AP1AR: variants seen among roughly 807,000 people sequenced by gnomAD.
AP1AR encodes adaptor related protein complex 1 associated regulatory protein.
Under a neutral mutation model 46.3 loss-of-function variants are expected in AP1AR, and 29 were observed. The observed-to-expected ratio is 0.63, with a 90% CI of 0.47 to 0.85. The LOEUF is 0.85. AP1AR is among the 40% of genes least tolerant of loss of function. AP1AR has a pLI of 0.00. For synonymous variants in AP1AR, 122 were observed against 122.9 expected, an observed-to-expected ratio of 0.99 and a Z score of 0.05; for missense variants, 357 against 356.3, an observed-to-expected ratio of 1.00 and a Z score of -0.02.
intron 4 of AP1AR, among the ~76,000 whole-genome samples, chr4:112,260,227 G>C (rs961726539): frequency 6.6e-6 from 1 of 152,178 alleles, no homozygotes; most frequent in Non-Finnish European, 1.5e-5. Context: ...GTTCAGATCT[G>C]CCTTGGTGTC....
rs1422129364 is a variant in AP1AR, at chr4:112,266,666, G to A, written c.593G>A (p.Ser198Asn). The A allele has an allele frequency of 6.2e-7, 1 of 1,610,600 alleles. No homozygotes were observed. Among genetic ancestry groups the A allele is most frequent in the African/African-American group, 1.3e-5 (1 of 74,796 alleles). Residue 198 changes from serine (S) to asparagine (N), a missense_variant, in exon 9 of 10, where the codon AGT becomes AAT. By Grantham distance (46) the Ser-to-Asn change is conservative (BLOSUM62 1). Coordinates refer to ENST00000274000, the MANE Select transcript of AP1AR (RefSeq NM_018569.6). ...TTAATGACCAAAACTAAATCAACTA[G>A]TGGAAATGACGACAGCACATCCTTA... ...CDLMTKTKST[S>N]GNDDSTSLDL...
intron 6 of AP1AR, 108 bp from the exon 7 acceptor site, chr4:112,264,899 CTT>C: frequency 6.9e-6 from 5 of 721,322 alleles, no homozygotes; most frequent in African/African-American, 1.9e-5. Context: ...AACAAAATAA[CTT>C]TTTTTTTTAG....
chr4:112,235,277 A>G (rs1305056969), intron 1 of AP1AR, among the ~76,000 whole-genome samples: 1 of 152,216 alleles, frequency 6.6e-6, no homozygotes, highest in Non-Finnish European at 1.5e-5. Flanking sequence ...TCTCAGATAG[A>G]AGACCCAATT....
chr4:112,254,717 C>A, intron 2 of AP1AR, 30 bp from the exon 3 acceptor site: 2 of 1,459,978 alleles, frequency 1.4e-6, no homozygotes, highest in East Asian at 2.4e-5. Context: ...ACAAATATTC[C>A]TCTTAACGCT....
In AP1AR at chr4:112,240,237, C is replaced by A. The variant is rs528595218; in HGVS notation, c.83+8063C>A. On this transcript the variant is annotated intron_variant, in intron 1 of 9. Transcript: ENST00000274000. ...TTTGCTTCATGTGTGTCACACTTTT[C>A]CTTGAATCTATTTCTTTCCTTTTTA... Among the ~76,000 whole-genome samples, 6 of 152,168 alleles carry A rather than the reference C, an allele frequency of 3.9e-5. No homozygotes were observed. In the South Asian group the frequency reaches 1.2e-3, roughly 32 times the overall value.
At chr4:112,244,845 A>G (rs1424899513) in intron 1 of AP1AR, among the ~76,000 whole-genome samples, 2 of 152,202 alleles carry the variant, frequency 1.3e-5, no homozygotes, top group African/African-American at 2.4e-5. Flanking sequence ...GTCATTATAA[A>G]TGAAATTAAT....
intron 8 of AP1AR, 111 bp from the exon 9 acceptor site, chr4:112,266,477 C>T (rs748330274): frequency 4.7e-5 from 49 of 1,042,524 alleles, no homozygotes; most frequent in Non-Finnish European, 6.1e-5. Flanking sequence ...TCTTATGAAG[C>T]TAAAAGTAAT....
chr4:112,231,996 C>A lies in AP1AR; in HGVS notation c.-96C>A. 1 of 1,178,920 alleles carries A rather than the reference C, an allele frequency of 8.5e-7. No homozygotes were observed. The allele number at this position is 1,178,920 out of a possible 1,614,324, so 73.0% of individuals were successfully genotyped here. ...CGGCCCGCCCTCGGTCCTTGAACCC[C>A]ATTTCGGCTCGTGCCGTGCGGATGC... On this transcript the variant is annotated 5_prime_UTR_variant, in exon 1 of 10. Coordinates refer to ENST00000274000, the MANE Select transcript of AP1AR (RefSeq NM_018569.6).
intron 6 of AP1AR, among the ~76,000 whole-genome samples, chr4:112,264,693 AGTTG>A (rs944476774): frequency 1.7e-4 from 26 of 152,018 alleles, no homozygotes; most frequent in African/African-American, 6.0e-4. Flanking sequence ...TCATTTTTCC[AGTTG>A]GTTGGAAGTT....
chr4:112,242,208 A>G (rs2110470032), intron 1 of AP1AR, among the ~76,000 whole-genome samples: 1 of 152,362 alleles, frequency 6.6e-6, no homozygotes, highest in East Asian at 1.9e-4. Context: ...CTTTAATAAA[A>G]GTATCTTGAA....
chr4:112,236,652 C>T (rs1365628212), intron 1 of AP1AR, among the ~76,000 whole-genome samples: 1 of 152,120 alleles, frequency 6.6e-6, no homozygotes, highest in African/African-American at 2.4e-5. Flanking sequence ...CTGCCCACCT[C>T]GGCTTCCCAA....
intron 4 of AP1AR, among the ~76,000 whole-genome samples, chr4:112,259,276 TGGGA>T (rs1185860149): frequency 6.6e-6 from 1 of 152,162 alleles, no homozygotes; most frequent in African/African-American, 2.4e-5. Flanking sequence ...GACAAGTGAA[TGGGA>T]GGTAAGGACA....
At chr4:112,255,780 A>T (rs1479625937) in intron 3 of AP1AR, among the ~76,000 whole-genome samples, 1 of 152,224 alleles carries the variant, frequency 6.6e-6, no homozygotes, top group South Asian at 2.1e-4. Context: ...GAATCAGCAA[A>T]TTGTGTATAT....
At chr4:112,248,443 TTTAA>T (rs1220300830) in intron 1 of AP1AR, among the ~76,000 whole-genome samples, 1 of 152,212 alleles carries the variant, frequency 6.6e-6, no homozygotes, top group African/African-American at 2.4e-5. Context: ...TTCTTAATAC[TTTAA>T]TTAAAGATGC....
chr4:112,238,775 C>T (rs1391765167), intron 1 of AP1AR, among the ~76,000 whole-genome samples: 1 of 152,206 alleles, frequency 6.6e-6, no homozygotes, highest in African/African-American at 2.4e-5. Flanking sequence ...TCATCTCAGT[C>T]TGAGCTCTGA....
chr4:112,260,128 A>C (rs1413450574), intron 4 of AP1AR, among the ~76,000 whole-genome samples: 1 of 152,170 alleles, frequency 6.6e-6, no homozygotes, highest in Non-Finnish European at 1.5e-5. Flanking sequence ...CTGAACATGG[A>C]AATGACCCAG....
chr4:112,260,032 T>G (rs1378971587), intron 4 of AP1AR, among the ~76,000 whole-genome samples: 1 of 152,134 alleles, frequency 6.6e-6, no homozygotes, highest in Non-Finnish European at 1.5e-5. Flanking sequence ...GTGAAGGAAT[T>G]GCCACATATA....
intron 4 of AP1AR, among the ~76,000 whole-genome samples, chr4:112,259,466 A>G (rs975003701): frequency 3.9e-5 from 6 of 152,254 alleles, no homozygotes; most frequent in African/African-American, 1.4e-4. Context: ...TGAGGATTAC[A>G]ATTTGCTAAT....
chr4:112,234,758 A>G (rs1240892167), intron 1 of AP1AR, among the ~76,000 whole-genome samples: 2 of 152,224 alleles, frequency 1.3e-5, no homozygotes, highest in East Asian at 3.9e-4. Context: ...AGTAATCACA[A>G]AAACTTGATT....
Sources: allele counts gnomAD v4.1 joint callset (sites outside exome capture counted in the v4.1 genomes callset), GRCh38; gene constraint gnomAD v4.1.1; transcripts MANE v1.5; gene names NCBI Gene and HGNC (gene_info 2026-07-23, HGNC 2026-07-21).